CACNA2D3: variants seen among roughly 807,000 people sequenced by gnomAD.
CACNA2D3 encodes the protein voltage-dependent calcium channel subunit alpha-2/delta-3.
In CACNA2D3, 60 loss-of-function variants were observed where a neutral mutation model predicts 160.6. The ratio of observed to expected loss-of-function variants is 0.37; its 90% CI spans 0.30 to 0.46. The LOEUF (loss-of-function observed/expected upper bound fraction) is 0.46. Ranked by LOEUF, CACNA2D3 falls within the 20% of genes least tolerant of loss-of-function variation. The pLI, the probability that CACNA2D3 is intolerant of heterozygous loss-of-function variation, is 1.00. For missense variants in CACNA2D3, 1,205 were observed against 1,365.0 expected (o/e 0.88, Z 1.85); for synonymous variants, 558 against 492.9 (o/e 1.13, Z -1.75).
At chr3:54,220,691 C>T (rs532605597) in intron 2 of CACNA2D3, among the ~76,000 whole-genome samples, 29 of 152,272 alleles carry the variant, frequency 1.9e-4, no homozygotes, top group African/African-American at 6.3e-4. Context: ...CCAGGAAACC[C>T]TCCCTGGCTA....
At chr3:54,907,395 A>T (rs573632382) in intron 27 of CACNA2D3, among the ~76,000 whole-genome samples, 8 of 152,174 alleles carry the variant, frequency 5.3e-5, no homozygotes, top group Non-Finnish European at 1.2e-4. Context: ...GGAATTAACC[A>T]ATACTGGAAT....
intron 25 of CACNA2D3, among the ~76,000 whole-genome samples, chr3:54,893,730 G>A (rs956934897): frequency 2.6e-5 from 4 of 151,986 alleles, no homozygotes; most frequent in African/African-American, 9.7e-5. Flanking sequence ...CCCGCCACCT[G>A]CATTTGGAAG....
At chr3:54,738,648 G>C (rs951694011) in intron 11 of CACNA2D3, among the ~76,000 whole-genome samples, 1 of 152,188 alleles carries the variant, frequency 6.6e-6, no homozygotes, top group Non-Finnish European at 1.5e-5. Flanking sequence ...CTCCCTTGCA[G>C]AGCACCCTTT....
At chr3:55,020,826 G>A (rs750925504) in intron 35 of CACNA2D3, among the ~76,000 whole-genome samples, 5 of 151,508 alleles carry the variant, frequency 3.3e-5, no homozygotes, top group Non-Finnish European at 4.4e-5. Flanking sequence ...ACTCCAGCCC[G>A]GCAACAGAGC....
rs1704908209 is a variant in CACNA2D3 at position 55,074,469 on chromosome 3, A to T, written c.*263A>T. On this transcript the variant is annotated 3_prime_UTR_variant, in exon 38 of 38. Coordinates refer to ENST00000474759, the MANE Select transcript of CACNA2D3 (RefSeq NM_018398.3). ...CACCCTTCATCAGAAATGGGACCGC[A>T]AGTGGTAGGCAGTGTCCCTTCTGCT... The T allele has an allele frequency of 2.1e-6, 1 of 478,094 alleles. No homozygotes were observed. The highest frequency in any genetic ancestry group is 2.0e-5 in the African/African-American group (1 of 50,990). 29.6% of individuals were successfully genotyped at this position (478,094 alleles called of 1,614,324 possible).
chr3:54,749,269 ATAGCTGCTGGG>A (rs1701813444), intron 11 of CACNA2D3, among the ~76,000 whole-genome samples: 2 of 152,242 alleles, frequency 1.3e-5, no homozygotes, highest in Admixed American at 1.3e-4. Flanking sequence ...GGATGAGGAC[ATAGCTGCTGGG>A]TAGCCCACTA....
At chr3:54,409,296 A>T (rs990249517) in intron 4 of CACNA2D3, among the ~76,000 whole-genome samples, 1 of 152,178 alleles carries the variant, frequency 6.6e-6, no homozygotes, top group Non-Finnish European at 1.5e-5. Flanking sequence ...TTTGGACGTT[A>T]CTATTGTAAT....
chr3:54,484,566 G>A (rs954826410), intron 4 of CACNA2D3, among the ~76,000 whole-genome samples: 1 of 152,154 alleles, frequency 6.6e-6, no homozygotes, highest in Non-Finnish European at 1.5e-5. Flanking sequence ...TGTGAGAAAC[G>A]TGAGAGTAAA....
intron 4 of CACNA2D3, among the ~76,000 whole-genome samples, chr3:54,446,925 G>A (rs1229546636): frequency 1.3e-5 from 2 of 152,148 alleles, no homozygotes; most frequent in Non-Finnish European, 2.9e-5. Context: ...CTCCGACAAG[G>A]CCTCTTCCAA....
rs922222362 is a variant in CACNA2D3 at position 54,816,667 on chromosome 3, A to G, written c.1381-186A>G. Among the ~76,000 whole-genome samples the G allele has an allele frequency of 3.9e-4, 60 of 152,340 alleles. 1 individual carries two copies. The highest frequency in any genetic ancestry group is 6.8e-3 in the Middle Eastern group (2 of 294). On this transcript the variant is annotated intron_variant, in intron 13 of 37. Transcript: ENST00000474759. ...TTATCTGTTGATACCACAAATTCAG[A>G]AAGCAGGTCAAATAATCAGCACTGT...
At chr3:54,469,862 G>A (rs539677803) in intron 4 of CACNA2D3, among the ~76,000 whole-genome samples, 112 of 152,052 alleles carry the variant, frequency 7.4e-4, no homozygotes, top group African/African-American at 2.6e-3. Flanking sequence ...GAGATAAAGT[G>A]TGAAGACAAG....
At chr3:54,347,736 A>T (rs1379413693) in intron 3 of CACNA2D3, among the ~76,000 whole-genome samples, 3 of 151,612 alleles carry the variant, frequency 2.0e-5, no homozygotes, top group Non-Finnish European at 2.9e-5. Flanking sequence ...GACCCCATGG[A>T]TCTGGTAAGA....
At chr3:55,049,482 T>G (rs358463) in intron 35 of CACNA2D3, among the ~76,000 whole-genome samples, 1 of 131,554 alleles carries the variant, frequency 7.6e-6, no homozygotes, top group Admixed American at 7.5e-5. Flanking sequence ...TTGTTATAAT[T>G]TCTGTTCTTT....
At chr3:54,936,152 G>T (rs151146849) in intron 27 of CACNA2D3, among the ~76,000 whole-genome samples, 3 of 147,470 alleles carry the variant, frequency 2.0e-5, no homozygotes, top group Non-Finnish European at 3.0e-5. Context: ...TTTTTATCAC[G>T]AGAATCATAG....
intron 3 of CACNA2D3, among the ~76,000 whole-genome samples, chr3:54,333,588 A>G (rs946067682): frequency 1.5e-5 from 2 of 134,436 alleles, no homozygotes; most frequent in African/African-American, 5.6e-5. Context: ...GAGAGCACAA[A>G]TCTTTTGTAC....
chr3:54,623,869 C>T (rs564333486), intron 9 of CACNA2D3, among the ~76,000 whole-genome samples: 212 of 152,278 alleles, frequency 1.4e-3, no homozygotes, highest in African/African-American at 4.9e-3. Flanking sequence ...GGCTACCTAA[C>T]TGGACAGAGC....
chr3:54,344,661 C>T (rs983380536), intron 3 of CACNA2D3, among the ~76,000 whole-genome samples: 1 of 152,092 alleles, frequency 6.6e-6, no homozygotes, highest in African/African-American at 2.4e-5. Context: ...TGAGTCTCCT[C>T]TTGGGTGGGG....
chr3:54,947,648 GA>G (rs1701648283), intron 27 of CACNA2D3, among the ~76,000 whole-genome samples: 1 of 152,056 alleles, frequency 6.6e-6, no homozygotes, highest in African/African-American at 2.4e-5. Flanking sequence ...GCAGGCAAAG[GA>G]AATTTTTGCT....
At chr3:54,586,264 A>C (rs1271253440) in intron 9 of CACNA2D3, among the ~76,000 whole-genome samples, 1 of 68,428 alleles carries the variant, frequency 1.5e-5, no homozygotes, top group Non-Finnish European at 3.3e-5. Context: ...ATCCATCTCA[A>C]AAAAAAAAAA....
Sources: allele counts gnomAD v4.1 joint callset (sites outside exome capture counted in the v4.1 genomes callset), GRCh38; gene constraint gnomAD v4.1.1; transcripts MANE v1.5; gene names NCBI Gene and HGNC (gene_info 2026-07-23, HGNC 2026-07-21).